Variants in CNTN5 observed in about 807,000 individuals in gnomAD.
CNTN5 encodes contactin 5, also known as contactin-5.
Under a neutral mutation model 129.1 loss-of-function variants are expected in CNTN5, and 77 were observed. The observed-to-expected ratio is 0.60, with a 90% confidence interval of 0.50 to 0.72. CNTN5 has a LOEUF of 0.72. Among genes scored for constraint, CNTN5 ranks in the 30% least tolerant of loss-of-function variants. CNTN5 has a pLI of 0.00. For missense variants in CNTN5, 1,478 were observed against 1,328.8 expected (o/e 1.11, Z -1.75); for synonymous variants, 509 against 465.6 (o/e 1.09, Z -1.20).
intron 9 of CNTN5, among the ~76,000 whole-genome samples, chr11:100,027,712 T>C (rs2137595686): frequency 6.6e-6 from 1 of 152,194 alleles, no homozygotes; most frequent in East Asian, 1.9e-4. Flanking sequence ...CCCAGATCTG[T>C]CTTTTCAACT....
At chr11:99,376,759 G>A (rs1390928465) in intron 2 of CNTN5, among the ~76,000 whole-genome samples, 1 of 152,096 alleles carries the variant, frequency 6.6e-6, no homozygotes, top group Admixed American at 6.6e-5. Flanking sequence ...GCCCTTATTC[G>A]ATGAATGTTA....
chr11:100,031,989 C>A (rs1019193218), intron 9 of CNTN5, among the ~76,000 whole-genome samples: 3 of 152,176 alleles, frequency 2.0e-5, no homozygotes, highest in African/African-American at 7.2e-5. Context: ...TCTATTATTT[C>A]TCAACCTGCC....
At chr11:99,670,641 A>G (rs906170713) in intron 3 of CNTN5, among the ~76,000 whole-genome samples, 2 of 152,138 alleles carry the variant, frequency 1.3e-5, no homozygotes, top group Non-Finnish European at 2.9e-5. Flanking sequence ...CATTTTCTCT[A>G]CTACAGCCAG....
chr11:99,831,479 A>C (rs1239242551), intron 4 of CNTN5, among the ~76,000 whole-genome samples: 1 of 152,214 alleles, frequency 6.6e-6, no homozygotes, highest in Non-Finnish European at 1.5e-5. Flanking sequence ...TCTGTTGACC[A>C]GTGCCGGCTG....
chr11:99,715,731 A>C (rs2134989667), intron 3 of CNTN5, among the ~76,000 whole-genome samples: 1 of 152,120 alleles, frequency 6.6e-6, no homozygotes, highest in Non-Finnish European at 1.5e-5. Flanking sequence ...TTTAATATTT[A>C]TGTTATGTTT....
intron 15 of CNTN5, among the ~76,000 whole-genome samples, chr11:100,219,260 A>C (rs1415070491): frequency 6.6e-6 from 1 of 152,194 alleles, no homozygotes; most frequent in East Asian, 1.9e-4. Flanking sequence ...GTATCCACAA[A>C]TCTTAGCACA....
chr11:99,454,054 T>C (rs2726394), intron 2 of CNTN5, among the ~76,000 whole-genome samples: 80,046 of 151,972 alleles, frequency 0.53, 21,450 homozygotes, highest in East Asian at 0.65. Context: ...TAAAATTTAT[T>C]CTAAATTGCT....
chr11:99,953,583 A>G (rs1429277856), intron 7 of CNTN5, among the ~76,000 whole-genome samples: 4 of 152,172 alleles, frequency 2.6e-5, no homozygotes, highest in African/African-American at 9.6e-5. Flanking sequence ...AGCAAGGTAC[A>G]TTTTTTATAT....
At chr11:99,506,382 G>GTTATGCAGAT (rs1946620214) in intron 2 of CNTN5, among the ~76,000 whole-genome samples, 1 of 152,152 alleles carries the variant, frequency 6.6e-6, no homozygotes, top group Admixed American at 6.5e-5. Context: ...CAATGTGTAT[G>GTTATGCAGAT]TTATGCAGAT....
chr11:99,758,091 T>C, intron 3 of CNTN5, among the ~76,000 whole-genome samples: 1 of 152,064 alleles, frequency 6.6e-6, no homozygotes, highest in South Asian at 2.1e-4. Flanking sequence ...TGTTAAGGTA[T>C]AATAACTTTG....
At chr11:99,611,313 G>A (rs904314857) in intron 3 of CNTN5, among the ~76,000 whole-genome samples, 3 of 152,096 alleles carry the variant, frequency 2.0e-5, no homozygotes, top group Admixed American at 2.0e-4. Context: ...CATTCTAAAA[G>A]CTTTTCAAAC....
chr11:99,797,701 T>G (rs1410836296), intron 3 of CNTN5, among the ~76,000 whole-genome samples: 1 of 152,168 alleles, frequency 6.6e-6, no homozygotes, highest in Non-Finnish European at 1.5e-5. Context: ...TGCATTTTTT[T>G]GTGAGTATTT....
At chr11:99,143,805 T>A (rs1859649340) in intron 1 of CNTN5, among the ~76,000 whole-genome samples, 1 of 151,876 alleles carries the variant, frequency 6.6e-6, no homozygotes, top group South Asian at 2.1e-4. Context: ...ACATAACACA[T>A]TTTTTTTGTA....
intron 1 of CNTN5, among the ~76,000 whole-genome samples, chr11:99,307,769 A>G (rs557994088): frequency 6.6e-6 from 1 of 152,242 alleles, no homozygotes; most frequent in Admixed American, 6.5e-5. Flanking sequence ...ATTTTTTGCT[A>G]TTAAACAGAT....
intron 3 of CNTN5, among the ~76,000 whole-genome samples, chr11:99,666,754 A>G (rs1952807716): frequency 6.6e-6 from 1 of 152,196 alleles, no homozygotes; most frequent in Admixed American, 6.5e-5. Context: ...AAACCAGGGC[A>G]TGACTGGGAA....
chr11:99,780,350 C>G (rs1444027942), intron 3 of CNTN5, among the ~76,000 whole-genome samples: 1 of 151,976 alleles, frequency 6.6e-6, no homozygotes, highest in Non-Finnish European at 1.5e-5. Context: ...ATTATTACTA[C>G]TTAATTATCA....
At chr11:100,004,550 C>T (rs1490761184) in intron 9 of CNTN5, among the ~76,000 whole-genome samples, 3 of 152,184 alleles carry the variant, frequency 2.0e-5, no homozygotes, top group Non-Finnish European at 2.9e-5. Flanking sequence ...CCACTTAAAA[C>T]ATTTATCTGT....
At chr11:99,941,529 T>A (rs1003592538) in intron 7 of CNTN5, among the ~76,000 whole-genome samples, 4 of 124,560 alleles carry the variant, frequency 3.2e-5, no homozygotes, top group Non-Finnish European at 5.2e-5. Context: ...AAACACTTAC[T>A]GCCACGCAAG....
At chr11:100,113,117 G>A (rs1374569200) in intron 13 of CNTN5, among the ~76,000 whole-genome samples, 1 of 151,738 alleles carries the variant, frequency 6.6e-6, no homozygotes, top group African/African-American at 2.4e-5. Context: ...AATGATATCG[G>A]ATAGATATTG....
Sources: allele counts gnomAD v4.1 joint callset (sites outside exome capture counted in the v4.1 genomes callset), GRCh38; gene constraint gnomAD v4.1.1; transcripts MANE v1.5; gene names NCBI Gene and HGNC (gene_info 2026-07-23, HGNC 2026-07-21).